Variants in RPRD2 observed in about 807,000 individuals in gnomAD.
RPRD2 encodes regulation of nuclear pre-mRNA domain containing 2.
RPRD2 carries 12 observed loss-of-function variants against 104.4 expected under a neutral mutation model. The ratio of observed to expected loss-of-function variants is 0.11; its 90% CI spans 0.07 to 0.19. The LOEUF (loss-of-function observed/expected upper bound fraction) is 0.19. RPRD2 is among the 10% of genes least tolerant of loss of function. The pLI, the probability that RPRD2 is intolerant of heterozygous loss-of-function variation, is 1.00. For missense variants in RPRD2, 1,543 were observed against 1,790.1 expected (o/e 0.86, Z 2.49); for synonymous variants, 714 against 684.9 (o/e 1.04, Z -0.66).
At chr1:150,399,646 A>G (rs1409947208) in intron 1 of RPRD2, among the ~76,000 whole-genome samples, 1 of 151,614 alleles carries the variant, frequency 6.6e-6, no homozygotes, top group Non-Finnish European at 1.5e-5. Flanking sequence ...AATCCCAGCT[A>G]CTTGGGAGGC....
chr1:150,388,490 T>C (rs1223453634), intron 1 of RPRD2, among the ~76,000 whole-genome samples: 17 of 74,060 alleles, frequency 2.3e-4, no homozygotes, highest in South Asian at 5.2e-4. Context: ...TATATATATA[T>C]ACCCGCGCAC....
In RPRD2 at chr1:150,474,494, CCT is replaced by C. The variant is rs777090466; in HGVS notation, c.*1164_*1165del. The C allele has an allele frequency of 6.6e-6, 1 of 152,264 alleles. No homozygotes were observed. The highest frequency in any genetic ancestry group is 2.1e-4 in the South Asian group (1 of 4,820). The allele number at this position is 152,264 out of a possible 1,614,324, so 9.4% of individuals were successfully genotyped here. On this transcript the variant is annotated 3_prime_UTR_variant, in exon 11 of 11. Coordinates refer to ENST00000369068, the MANE Select transcript of RPRD2 (RefSeq NM_015203.5). ...TTTCAAGGCTCAAGTCTTACCCCCA[CCT>C]CTCGCTCCCAATAGGAAATAAAGAC...
At chr1:150,468,164 A>G (rs971389743) in intron 10 of RPRD2, among the ~76,000 whole-genome samples, 9 of 152,088 alleles carry the variant, frequency 5.9e-5, no homozygotes, top group Non-Finnish European at 1.2e-4. Context: ...TTCAGTGGGC[A>G]AAGGAGCAGA....
chr1:150,404,731 A>C (rs1663330887), intron 1 of RPRD2, among the ~76,000 whole-genome samples: 1 of 152,146 alleles, frequency 6.6e-6, no homozygotes, highest in Admixed American at 6.5e-5. Flanking sequence ...CAGCCTCTTG[A>C]GTAGCTGGGA....
At chr1:150,467,560 C>T (rs1445965571) in intron 10 of RPRD2, among the ~76,000 whole-genome samples, 2 of 151,642 alleles carry the variant, frequency 1.3e-5, no homozygotes, top group African/African-American at 2.4e-5. Context: ...TTTTAGTAGA[C>T]ACGGGGTTTC....
intron 7 of RPRD2, among the ~76,000 whole-genome samples, chr1:150,456,422 T>G (rs1189649955): frequency 6.6e-6 from 1 of 151,988 alleles, no homozygotes; most frequent in Non-Finnish European, 1.5e-5. Flanking sequence ...TGATATATTA[T>G]CTTGTTTTGT....
At chr1:150,464,381 T>TTG in intron 9 of RPRD2, 146 bp from the exon 10 acceptor site, 2 of 509,080 alleles carry the variant, frequency 3.9e-6, no homozygotes, top group South Asian at 2.7e-5. Flanking sequence ...TTTTTTTTTG[T>TTG]ACATGTCATG....
intron 1 of RPRD2, among the ~76,000 whole-genome samples, chr1:150,366,905 C>G (rs1482289408): frequency 1.3e-5 from 2 of 152,150 alleles, no homozygotes; most frequent in African/African-American, 4.8e-5. Context: ...GTCCCTGTCC[C>G]GTCTCTGCTG....
intron 1 of RPRD2, among the ~76,000 whole-genome samples, chr1:150,388,616 A>AT (rs71086505): frequency 1.5e-3 from 208 of 137,258 alleles, no homozygotes; most frequent in South Asian, 3.4e-3. Context: ...TTGATATGTA[A>AT]TTTTTTTTTT....
At chr1:150,467,975 A>G (rs6699093) in intron 10 of RPRD2, among the ~76,000 whole-genome samples, 63,232 of 151,524 alleles carry the variant, frequency 0.42, 13,645 homozygotes, top group East Asian at 0.7. Flanking sequence ...CCTGGCCAAC[A>G]GGGTAAACCT....
Position 150,470,753 on chromosome 1 carries a change from C to G in RPRD2, c.1805C>G (p.Ser602Cys), listed in dbSNP as rs1158375824. ...CCTAACTCATCAACTTCTGAAGTCT[C>G]TTCAACTTCAGCCAGCAAGGCCTCA... is the stretch of plus-strand genomic sequence containing the variant. ...YSPNSSTSEVSSTSASKASIG... is the reference protein window; with the variant it reads ...YSPNSSTSEVCSTSASKASIG... Residue 602 changes from serine to cysteine, a missense_variant, in exon 11 of 11, where the codon TCT (serine) becomes TGT (cysteine). This residue lies in a region of RPRD2 where 572 missense variants were observed against 787.3 expected (regional missense o/e 0.73). Coordinates refer to ENST00000369068, the MANE Select transcript of RPRD2 (RefSeq NM_015203.5). 1 of 1,614,040 alleles carries G rather than the reference C, an allele frequency of 6.2e-7. No individual in the cohort carries two copies. The highest frequency in any genetic ancestry group is 1.3e-5 in the African/African-American group (1 of 75,068).
At chr1:150,413,149 A>T (rs1316886703) in intron 1 of RPRD2, among the ~76,000 whole-genome samples, 1 of 152,148 alleles carries the variant, frequency 6.6e-6, no homozygotes, top group Non-Finnish European at 1.5e-5. Flanking sequence ...GAAGGGAAAG[A>T]CAAGAGGGGA....
chr1:150,444,522 G>A, intron 6 of RPRD2, 145 bp downstream of exon 6: 1 of 705,414 alleles, frequency 1.4e-6, no homozygotes, highest in Non-Finnish European at 2.3e-6. Context: ...GTTATTTCAT[G>A]CATATAAATT....
At chr1:150,384,450 CATTA>C (rs1387025496) in intron 1 of RPRD2, among the ~76,000 whole-genome samples, 1 of 132,356 alleles carries the variant, frequency 7.6e-6, no homozygotes, top group Non-Finnish European at 1.5e-5. Context: ...GCATCATCAT[CATTA>C]TTATTATTAT....
intron 8 of RPRD2, 38 bp downstream of exon 8, chr1:150,457,608 A>G: frequency 2.5e-6 from 4 of 1,584,808 alleles, no homozygotes; most frequent in Non-Finnish European, 3.5e-6. Context: ...CTTATTCCTT[A>G]TCTGTTTTGC....
In RPRD2 at chr1:150,476,036, T is replaced by C. The variant is rs1668874526; in HGVS notation, c.*2702T>C. On this transcript the variant is annotated 3_prime_UTR_variant, in exon 11 of 11. Coordinates refer to ENST00000369068, the MANE Select transcript of RPRD2 (RefSeq NM_015203.5). ...TACCACTTAAAGTTCAGTGATACAG[T>C]TCAGAAATAGGGTCCTTAAGTATTT... 1 of 152,078 alleles carries C rather than the reference T, an allele frequency of 6.6e-6. No homozygotes were observed. Among genetic ancestry groups the C allele is most frequent in the African/African-American group, 2.4e-5 (1 of 41,392 alleles). The allele number at this position is 152,078 out of a possible 1,614,324, so 9.4% of individuals were successfully genotyped here. A position where few individuals can be genotyped will look rare whatever the true frequency, so the allele number is the denominator to read the frequency against.
Position 150,364,599 on chromosome 1 carries a change from T to A in RPRD2, c.-116T>A. On this transcript the variant is annotated 5_prime_UTR_variant, in exon 1 of 11. Transcript: ENST00000369068. Reference sequence around the variant, plus strand: ...CAGCGCGTGCACCATCCCCACCCCCTAGCTTCCCTCCCCACCTACGGCTTT... The same window carrying A: ...CAGCGCGTGCACCATCCCCACCCCCAAGCTTCCCTCCCCACCTACGGCTTT... The A allele has an allele frequency of 1.7e-5, 10 of 588,954 alleles. No homozygotes were observed. Among genetic ancestry groups the A allele is most frequent in the Admixed American group, 3.1e-5 (1 of 31,978 alleles). The allele number at this position is 588,954 out of a possible 1,614,324, so 36.5% of individuals were successfully genotyped here. A position where few individuals can be genotyped will look rare whatever the true frequency, so the allele number is the denominator to read the frequency against.
rs1322150133 is a variant in RPRD2 at position 150,378,780 on chromosome 1, C to T, written c.205+13861C>T. ...GGTGGATCACATGAGGTCAGGAGTT[C>T]GAGACCAGCCTGGCCAAAATGAAGA... On this transcript the variant is annotated intron_variant, in intron 1 of 10. Transcript: ENST00000369068. Among the ~76,000 whole-genome samples, 100 of 151,678 alleles carry T rather than the reference C, an allele frequency of 6.6e-4. 1 individual carries two copies. The highest frequency in any genetic ancestry group is 1.9e-4 in the Non-Finnish European group (13 of 67,922).
In RPRD2 at chr1:150,443,264, A is replaced by C. The variant is rs781856893; in HGVS notation, c.548A>C (p.Lys183Thr). 3 of 1,576,556 alleles carry C rather than the reference A, an allele frequency of 1.9e-6. No individual in the cohort carries two copies. The highest frequency in any genetic ancestry group is 2.6e-6 in the Non-Finnish European group (3 of 1,159,394). ...STNPKAALKS[K>T]IVAEFRSQAL... is the part of the protein sequence containing the mutation. The stretch of plus-strand genomic sequence containing the variant: ...AATCCAAAAGCTGCTCTCAAGTCTA[A>C]GATAGTTGCTGAATTTCGAGTAAGT... The change falls in exon 5 of 11, where the codon AAG becomes ACG. Residue 183 changes from lysine to threonine, a missense_variant. Lys to Thr is a moderately conservative substitution (Grantham distance 78). This residue lies in a region of RPRD2 where 572 missense variants were observed against 787.3 expected (regional missense o/e 0.73). Transcript: ENST00000369068.
Sources: allele counts gnomAD v4.1 joint callset (sites outside exome capture counted in the v4.1 genomes callset), GRCh38; gene constraint gnomAD v4.1.1; regional missense constraint gnomAD v4.1.1; transcripts MANE v1.5; gene names NCBI Gene and HGNC (gene_info 2026-07-23, HGNC 2026-07-21).